The following PARD3B variants were observed in gnomAD, a reference collection of about 807,000 sequenced individuals.
The protein encoded by PARD3B is par-3 family cell polarity regulator beta, also known as partitioning defective 3 homolog B.
PARD3B carries 103 observed loss-of-function variants against 130.2 expected under a neutral mutation model. The ratio of observed to expected loss-of-function variants is 0.79; its 90% confidence interval spans 0.67 to 0.93. PARD3B has a LOEUF of 0.93. PARD3B is among the 40% of genes least tolerant of loss of function. The pLI is 0.00. For missense variants in PARD3B, 1,609 were observed against 1,499.2 expected (o/e 1.07, Z -1.21); for synonymous variants, 583 against 553.2 (o/e 1.05, Z -0.76).
rs192569277 is a variant in PARD3B at position 205,475,312 on chromosome 2, C to T, written c.3045-24584C>T. Among the ~76,000 whole-genome samples, 24 of 152,184 alleles carry T rather than the reference C, an allele frequency of 1.6e-4. No individual in the cohort carries two copies. The East Asian group carries it at 4.6e-3, about 29-fold the overall frequency. On this transcript the variant is annotated intron_variant, in intron 20 of 22. Coordinates refer to ENST00000406610, the MANE Select transcript of PARD3B (RefSeq NM_001302769.2). Reference sequence around the variant, plus strand: ...TCACCACTCCCATCAGCATGTGTTGCAAAGGAAACCCCTTTGCAGTGTTTA... The same window carrying T: ...TCACCACTCCCATCAGCATGTGTTGTAAAGGAAACCCCTTTGCAGTGTTTA...
chr2:205,427,158 T>C (rs1263987890), intron 19 of PARD3B, among the ~76,000 whole-genome samples: 2 of 152,172 alleles, frequency 1.3e-5, no homozygotes, highest in Non-Finnish European at 2.9e-5. Flanking sequence ...CCTCTTACAG[T>C]GTAGGTGGCA....
intron 19 of PARD3B, among the ~76,000 whole-genome samples, chr2:205,409,903 G>A (rs1267495113): frequency 6.6e-6 from 1 of 152,090 alleles, no homozygotes; most frequent in Non-Finnish European, 1.5e-5. Flanking sequence ...AATGTGGAAA[G>A]AAATTTTAAA....
At position 205,276,498 on chromosome 2, in the gene PARD3B, G is replaced by A. The variant is rs955465550; in HGVS notation, c.2186-24032G>A. 2.0e-5 allele frequency among the ~76,000 whole-genome samples: 3 copies of A among 152,144 alleles called. No individual in the cohort carries two copies. Among genetic ancestry groups the A allele is most frequent in the African/African-American group, 4.8e-5 (2 of 41,430 alleles). The stretch of plus-strand genomic sequence containing the variant: ...TGAAAGAATTTAAAAGAAGACAAAG[G>A]AGTTGCAGGGAGAAGCAGGTTGGCA... On this transcript the variant is annotated intron_variant, in intron 16 of 22. Transcript: ENST00000406610. The surrounding 1 kb of genome is among the most constrained non-coding windows in gnomAD (Gnocchi z 5.0).
intron 1 of PARD3B, among the ~76,000 whole-genome samples, chr2:204,615,349 C>T (rs1362427439): frequency 6.6e-6 from 1 of 152,106 alleles, no homozygotes; most frequent in Non-Finnish European, 1.5e-5. Context: ...TCTGTCTTGT[C>T]CTTTGAATGC....
At chr2:204,901,149 G>A (rs1157307697) in intron 2 of PARD3B, among the ~76,000 whole-genome samples, 2 of 152,072 alleles carry the variant, frequency 1.3e-5, no homozygotes, top group Non-Finnish European at 2.9e-5. Flanking sequence ...GCAGTCATCA[G>A]GTGGCAGCCA....
chr2:205,381,879 T>C (rs1215912389), intron 18 of PARD3B, among the ~76,000 whole-genome samples: 2 of 152,064 alleles, frequency 1.3e-5, no homozygotes, highest in South Asian at 2.1e-4. Flanking sequence ...GAAATAACTA[T>C]GCATTTCCTT....
intron 13 of PARD3B, among the ~76,000 whole-genome samples, chr2:205,179,952 CT>C (rs1422197629): frequency 6.6e-6 from 1 of 152,062 alleles, no homozygotes; most frequent in Non-Finnish European, 1.5e-5. Flanking sequence ...TGTATATCTT[CT>C]GTACAAATAG....
At chr2:205,037,803 G>A (rs1698113784) in intron 3 of PARD3B, among the ~76,000 whole-genome samples, 1 of 151,872 alleles carries the variant, frequency 6.6e-6, no homozygotes, top group Non-Finnish European at 1.5e-5. Context: ...AGTGATGGAA[G>A]AGATTACAGG....
chr2:205,587,816 G>T (rs1390922003), intron 22 of PARD3B, among the ~76,000 whole-genome samples: 1 of 152,106 alleles, frequency 6.6e-6, no homozygotes, highest in African/African-American at 2.4e-5. Flanking sequence ...CCCTTTTTCT[G>T]CCCCCTTCTC....
chr2:205,588,785 G>A (rs1401482912), intron 22 of PARD3B, among the ~76,000 whole-genome samples: 1 of 152,184 alleles, frequency 6.6e-6, no homozygotes, highest in Non-Finnish European at 1.5e-5. Flanking sequence ...TTACTTGCTA[G>A]TCCATGTCAT....
chr2:204,698,733 G>C (rs1321294191), intron 2 of PARD3B, among the ~76,000 whole-genome samples: 4 of 151,958 alleles, frequency 2.6e-5, no homozygotes, highest in Non-Finnish European at 5.9e-5. Context: ...TAAAGTATAA[G>C]TGGTTACGTC....
At chr2:205,141,518 A>T (rs2032950495) in intron 10 of PARD3B, among the ~76,000 whole-genome samples, 1 of 152,212 alleles carries the variant, frequency 6.6e-6, no homozygotes, top group Non-Finnish European at 1.5e-5. Flanking sequence ...GAAGTGAATG[A>T]CAGATTTACT....
intron 15 of PARD3B, among the ~76,000 whole-genome samples, chr2:205,237,224 C>A (rs1287955948): frequency 6.6e-6 from 1 of 152,066 alleles, no homozygotes. Context: ...CTTAGCCTCC[C>A]AAGTAGCTGG....
At chr2:205,451,178 A>G (rs2048089488) in intron 20 of PARD3B, among the ~76,000 whole-genome samples, 1 of 152,134 alleles carries the variant, frequency 6.6e-6, no homozygotes, top group East Asian at 1.9e-4. Context: ...ATGTTGCATC[A>G]TGATTCCAAG....
At chr2:204,633,703 T>C (rs1286453789) in intron 1 of PARD3B, among the ~76,000 whole-genome samples, 1 of 152,086 alleles carries the variant, frequency 6.6e-6, no homozygotes, top group Non-Finnish European at 1.5e-5. Flanking sequence ...CCCCAGCTAC[T>C]TGGGAGTCTG....
chr2:204,841,131 A>C (rs1470817130), intron 2 of PARD3B, among the ~76,000 whole-genome samples: 1 of 152,110 alleles, frequency 6.6e-6, no homozygotes, highest in Non-Finnish European at 1.5e-5. Context: ...CGGTTTTCTT[A>C]TGTTAAATAT....
At chr2:204,922,427 T>A (rs1333366651) in intron 2 of PARD3B, among the ~76,000 whole-genome samples, 1 of 152,066 alleles carries the variant, frequency 6.6e-6, no homozygotes, top group Non-Finnish European at 1.5e-5. Context: ...AAGACTTAGG[T>A]AGTACTATTG....
chr2:204,623,394 CA>C lies in PARD3B; in HGVS notation c.121-62782del, dbSNP rs2034370945. Among the ~76,000 whole-genome samples, 1 of 152,096 alleles carries C rather than the reference CA, an allele frequency of 6.6e-6. No individual in the cohort carries two copies. Among genetic ancestry groups the C allele is most frequent in the Admixed American group, 6.6e-5 (1 of 15,248 alleles). On this transcript the variant is annotated intron_variant, in intron 1 of 22. Coordinates refer to ENST00000406610, the MANE Select transcript of PARD3B (RefSeq NM_001302769.2). The surrounding 1 kb of genome is among the most constrained non-coding windows in gnomAD (Gnocchi z 4.5). The stretch of plus-strand genomic sequence containing the variant: ...ACTATTCTACCATATTCTACCATCA[CA>C]AAAACCTCCCTCGTGCCACCCCTTT...
chr2:205,553,380 G>C lies in PARD3B; in HGVS notation c.3237G>C (p.Glu1079Asp), dbSNP rs2052735022. Residue 1079 changes from glutamate (E) to aspartate (D), a missense_variant, in exon 22 of 23, where the codon GAG becomes GAC. Glu to Asp is a conservative substitution (Grantham distance 45). Transcript: ENST00000406610. The stretch of plus-strand genomic sequence containing the variant: ...ACAACCTCCGCTTTGAAGGGATGGA[G>C]AGGCAGTACGCATCCTTACCCAGGT... ...NAHNLRFEGM[E>D]RQYASLPRGG... The C allele has an allele frequency of 1.2e-6, 2 of 1,614,048 alleles. No homozygotes were observed. Among genetic ancestry groups the C allele is most frequent in the Non-Finnish European group, 1.7e-6 (2 of 1,179,918 alleles).
Sources: gnomAD v4.1 joint callset for allele counts (sites outside exome capture counted in the v4.1 genomes callset) on GRCh38, gnomAD v4.1.1 for gene constraint, Gnocchi (gnomAD v3.1) non-coding constraint, MANE v1.5 for transcripts, NCBI Gene and HGNC (gene_info 2026-07-23, HGNC 2026-07-21) for gene names.